DGKB: variants seen among roughly 807,000 people sequenced by gnomAD.
DGKB encodes 90 kDa diacylglycerol kinase.
Under a neutral mutation model 114.3 loss-of-function variants are expected in DGKB, and 67 were observed. The ratio of observed to expected loss-of-function variants is 0.59; its 90% CI spans 0.48 to 0.72. DGKB has a LOEUF of 0.72. Among genes scored for constraint, DGKB ranks in the 30% least tolerant of loss-of-function variants. The pLI, the probability that DGKB is intolerant of heterozygous loss-of-function variation, is 0.00. For synonymous variants in DGKB, 398 were observed against 323.1 expected (o/e 1.23, Z -2.49); for missense variants, 907 against 975.2 (o/e 0.93, Z 0.93).
chr7:14,694,393 C>G (rs1823447744), intron 8 of DGKB, among the ~76,000 whole-genome samples, 199 bp from the exon 9 acceptor site: 1 of 152,182 alleles, frequency 6.6e-6, no homozygotes, highest in Non-Finnish European at 1.5e-5. Flanking sequence ...ACACTGATCA[C>G]TTTTTAGAAA....
intron 20 of DGKB, among the ~76,000 whole-genome samples, chr7:14,526,360 A>G (rs1563405269): frequency 6.6e-6 from 1 of 152,120 alleles, no homozygotes; most frequent in Non-Finnish European, 1.5e-5. Flanking sequence ...TGACAATAAA[A>G]AATGTCTCTG....
intron 4 of DGKB, among the ~76,000 whole-genome samples, chr7:14,740,626 A>G (rs1234097696): frequency 3.9e-5 from 6 of 152,162 alleles, no homozygotes; most frequent in Non-Finnish European, 7.3e-5. Flanking sequence ...TTAAAAGGCA[A>G]ACACCACAGA....
intron 23 of DGKB, among the ~76,000 whole-genome samples, chr7:14,336,740 G>A (rs1810745336): frequency 6.6e-6 from 1 of 152,112 alleles, no homozygotes; most frequent in African/African-American, 2.4e-5. Flanking sequence ...TACGAAGGAG[G>A]GTGAGTGAGC....
At chr7:14,779,794 A>G (rs1838792614) in intron 2 of DGKB, among the ~76,000 whole-genome samples, 1 of 152,020 alleles carries the variant, frequency 6.6e-6, no homozygotes, top group Non-Finnish European at 1.5e-5. Context: ...TAGTCTTCTG[A>G]TTGGCACTTT....
intron 8 of DGKB, among the ~76,000 whole-genome samples, chr7:14,696,216 G>A (rs541923533): frequency 4.6e-5 from 7 of 152,178 alleles, no homozygotes; most frequent in African/African-American, 1.4e-4. Context: ...AATGGAGGCC[G>A]GGCGCGGTGG....
At chr7:14,454,868 G>A (rs1029052053) in intron 21 of DGKB, among the ~76,000 whole-genome samples, 17 of 152,088 alleles carry the variant, frequency 1.1e-4, no homozygotes, top group African/African-American at 4.1e-4. Context: ...TAATTTAATA[G>A]TATAACAATC....
intron 21 of DGKB, among the ~76,000 whole-genome samples, chr7:14,401,916 T>C (rs973604764): frequency 5.9e-5 from 9 of 151,336 alleles, no homozygotes; most frequent in African/African-American, 9.7e-5. Flanking sequence ...AAAGCCTCCA[T>C]AGAGGAGGAA....
At chr7:14,698,765 T>C (rs995857604) in intron 7 of DGKB, among the ~76,000 whole-genome samples, 1 of 152,166 alleles carries the variant, frequency 6.6e-6, no homozygotes, top group African/African-American at 2.4e-5. Flanking sequence ...TTTGAAGAAT[T>C]GCAAGTTAAT....
chr7:14,789,467 A>C (rs1187056035), intron 2 of DGKB, among the ~76,000 whole-genome samples: 1 of 152,190 alleles, frequency 6.6e-6, no homozygotes, highest in Non-Finnish European at 1.5e-5. Flanking sequence ...GTATAGGGCT[A>C]CCACAGTGTC....
intron 23 of DGKB, chr7:14,209,560 A>C (rs1244625809): frequency 4.0e-6 from 2 of 493,930 alleles, no homozygotes; most frequent in East Asian, 6.0e-5. Flanking sequence ...CTATTAATTT[A>C]AAATGGGGGC....
chr7:14,175,090 G>A (rs978745290), intron 25 of DGKB, among the ~76,000 whole-genome samples: 2 of 152,178 alleles, frequency 1.3e-5, no homozygotes, highest in African/African-American at 4.8e-5. Context: ...TTTGAAATCT[G>A]TAACTAAGGT....
chr7:14,490,691 C>T (rs755188472), intron 20 of DGKB, among the ~76,000 whole-genome samples: 1 of 152,134 alleles, frequency 6.6e-6, no homozygotes, highest in Non-Finnish European at 1.5e-5. Flanking sequence ...AAGCCTATGA[C>T]TTAGAACTTT....
chr7:14,675,406 A>G (rs1819677526), intron 12 of DGKB, among the ~76,000 whole-genome samples: 1 of 152,074 alleles, frequency 6.6e-6, no homozygotes, highest in Admixed American at 6.6e-5. Flanking sequence ...ACAAAAATAA[A>G]ATTAATTTGA....
chr7:14,675,237 T>A (rs908150587), intron 12 of DGKB, among the ~76,000 whole-genome samples: 1 of 152,108 alleles, frequency 6.6e-6, no homozygotes, highest in Non-Finnish European at 1.5e-5. Context: ...GGGCAGGACA[T>A]ACTGAGTCTT....
intron 2 of DGKB, among the ~76,000 whole-genome samples, chr7:14,797,921 C>T (rs1310800686): frequency 6.6e-6 from 1 of 152,112 alleles, no homozygotes; most frequent in African/African-American, 2.4e-5. Flanking sequence ...GAATAAGGTA[C>T]ATGGACACCG....
At chr7:14,598,883 C>T (rs77536161) in intron 17 of DGKB, among the ~76,000 whole-genome samples, 2,885 of 152,246 alleles carry the variant, frequency 0.019, 46 homozygotes, top group Non-Finnish European at 0.027. Flanking sequence ...AATATCTCCA[C>T]AGGCATTTCT....
Position 14,547,205 on chromosome 7 carries a change from G to A in DGKB, c.1770+27007C>T, listed in dbSNP as rs10499448. Among the ~76,000 whole-genome samples, 2,947 of 151,982 alleles carry A rather than the reference G, an allele frequency of 0.019. 132 individuals are homozygous for A. The East Asian group carries it at 0.2, about 10-fold the overall frequency. Reference sequence around the variant, plus strand: ...CTGCTTTTGGCTCAATATTGATTACGTACACCTCCACATCCTCAAAGAAAA... The same window carrying A: ...CTGCTTTTGGCTCAATATTGATTACATACACCTCCACATCCTCAAAGAAAA... On this transcript the variant is annotated intron_variant, in intron 20 of 25. Transcript: ENST00000402815.
chr7:14,184,003 C>G (rs1197083297), intron 23 of DGKB, among the ~76,000 whole-genome samples: 1 of 152,196 alleles, frequency 6.6e-6, no homozygotes. Context: ...ACCCTCCTCT[C>G]CCCATCACAT....
At chr7:14,586,949 G>A (rs1800874856) in intron 17 of DGKB, among the ~76,000 whole-genome samples, 2 of 152,054 alleles carry the variant, frequency 1.3e-5, no homozygotes, top group African/African-American at 4.8e-5. Flanking sequence ...AAAGATGAAT[G>A]TTGTTTTCAT....
Sources: gnomAD v4.1 joint callset for allele counts (sites outside exome capture counted in the v4.1 genomes callset) on GRCh38, gnomAD v4.1.1 for gene constraint, MANE v1.5 for transcripts, NCBI Gene and HGNC (gene_info 2026-07-23, HGNC 2026-07-21) for gene names.